The following DGLUCY variants were observed in gnomAD, a reference collection of about 807,000 sequenced individuals.
DGLUCY encodes the protein D-glutamate cyclase, mitochondrial.
Under a neutral mutation model 58.5 loss-of-function variants are expected in DGLUCY, and 58 were observed. That is an observed-to-expected ratio of 0.99 (90% CI 0.80 to 1.23). The LOEUF (loss-of-function observed/expected upper bound fraction) is 1.23. Ranked by LOEUF, DGLUCY falls within the 50% of genes most tolerant of loss-of-function variation. The pLI is 0.00. For missense variants in DGLUCY, 779 were observed against 784.7 expected, an observed-to-expected ratio of 0.99 and a Z score of 0.09; for synonymous variants, 325 against 314.1, an observed-to-expected ratio of 1.03 and a Z score of -0.37.
At chr14:91,217,414 G>A (rs996153754) in intron 13 of DGLUCY, among the ~76,000 whole-genome samples, 3 of 152,028 alleles carry the variant, frequency 2.0e-5, no homozygotes, top group East Asian at 3.9e-4. Flanking sequence ...CAAGTCCCCT[G>A]CCAGTGGGCA....
intron 7 of DGLUCY, among the ~76,000 whole-genome samples, chr14:91,180,388 A>C (rs1187290268): frequency 1.3e-5 from 2 of 151,616 alleles, no homozygotes; most frequent in African/African-American, 4.8e-5. Flanking sequence ...CCTGGATAAC[A>C]TGGTAAAACA....
chr14:91,187,654 C>T (rs1295193837), intron 8 of DGLUCY, among the ~76,000 whole-genome samples: 2 of 152,154 alleles, frequency 1.3e-5, no homozygotes, highest in Non-Finnish European at 2.9e-5. Flanking sequence ...CTGAGGATGC[C>T]CTCTGTCCCT....
chr14:91,134,421 A>G (rs2046207568), intron 1 of DGLUCY, among the ~76,000 whole-genome samples: 1 of 151,692 alleles, frequency 6.6e-6, no homozygotes. Flanking sequence ...TATAGATGGT[A>G]TCATTCAAAA....
At chr14:91,163,995 G>A (rs925499053) in intron 3 of DGLUCY, among the ~76,000 whole-genome samples, 2 of 152,068 alleles carry the variant, frequency 1.3e-5, no homozygotes, top group African/African-American at 4.8e-5. Context: ...TGTCACCCAG[G>A]CTGGAGTGCA....
At chr14:91,060,571 T>C (rs904533546) in exon 1 of DGLUCY, 126 of 1,128,928 alleles carry the variant, frequency 1.1e-4, no homozygotes, top group Non-Finnish European at 1.3e-4. Flanking sequence ...CAAAGACGAG[T>C]CTCTTTCCCG....
intron 9 of DGLUCY, among the ~76,000 whole-genome samples, chr14:91,194,362 G>T (rs1309734949): frequency 1.3e-5 from 2 of 152,202 alleles, no homozygotes; most frequent in Non-Finnish European, 2.9e-5. Flanking sequence ...CACAGCACAG[G>T]GAAGGGCTGG....
intron 1 of DGLUCY, among the ~76,000 whole-genome samples, chr14:91,097,288 T>G (rs1350944298): frequency 6.6e-6 from 1 of 152,006 alleles, no homozygotes; most frequent in African/African-American, 2.4e-5. Context: ...CCCAGCTACT[T>G]GGGAGGCTGA....
At chr14:91,079,314 G>A (rs2140043531) in intron 1 of DGLUCY, among the ~76,000 whole-genome samples, 1 of 151,594 alleles carries the variant, frequency 6.6e-6, no homozygotes, top group African/African-American at 2.4e-5. Flanking sequence ...CCCTACATCA[G>A]TAAAATGTCT....
chr14:91,096,481 G>A (rs1416734635), intron 1 of DGLUCY, among the ~76,000 whole-genome samples: 3 of 152,216 alleles, frequency 2.0e-5, no homozygotes, highest in Non-Finnish European at 4.4e-5. Flanking sequence ...ATTGGGGAGT[G>A]CGACCCTCTC....
intron 6 of DGLUCY, among the ~76,000 whole-genome samples, chr14:91,174,513 C>T (rs1018974252): frequency 6.6e-6 from 1 of 152,060 alleles, no homozygotes; most frequent in Non-Finnish European, 1.5e-5. Flanking sequence ...GCCATGTTGG[C>T]CAGGCTGGTC....
At position 91,085,568 on chromosome 14, in the gene DGLUCY, T is replaced by G. The variant is rs574172618; in HGVS notation, c.-82+24864T>G. Among the ~76,000 whole-genome samples the G allele has an allele frequency of 2.4e-4, 36 of 150,106 alleles. No individual in the cohort carries two copies. The South Asian group carries it at 3.7e-3, about 16-fold the overall frequency. On this transcript the variant is annotated intron_variant, in intron 1 of 4. Coordinates refer to the DGLUCY transcript ENST00000521334. ...AGTTCCTTTGTTTTTTTTTTGTTTT[T>G]TTTTTTTTTTAGTATGTGTGTGACG...
chr14:91,157,119 GTGGATGGATGGATGGATGGATGGA>G, intron 1 of DGLUCY, among the ~76,000 whole-genome samples: 2 of 131,164 alleles, frequency 1.5e-5, no homozygotes, highest in Non-Finnish European at 1.7e-5. Context: ...GGATGGATGG[GTGGATGGATGGATGGATGGATGGA>G]TGGATGGATG....
intron 1 of DGLUCY, among the ~76,000 whole-genome samples, chr14:91,089,653 T>C (rs112039552): frequency 0.16 from 24,427 of 151,796 alleles, 2,505 homozygotes; most frequent in Non-Finnish European, 0.23. Flanking sequence ...AAATCCCATC[T>C]CTACTAAAAA....
intron 9 of DGLUCY, among the ~76,000 whole-genome samples, chr14:91,194,286 G>A (rs2050076685): frequency 6.6e-6 from 1 of 152,126 alleles, no homozygotes; most frequent in Non-Finnish European, 1.5e-5. Context: ...GGAATGATGT[G>A]ACGTTCCCAC....
At chr14:91,108,554 A>AGAGAGAGAGAGAGAGAGG (rs2044639607) in intron 1 of DGLUCY, among the ~76,000 whole-genome samples, 1 of 149,946 alleles carries the variant, frequency 6.7e-6, no homozygotes, top group African/African-American at 2.5e-5. Flanking sequence ...AGAGAGAGAG[A>AGAGAGAGAGAGAGAGAGG]GAGAGACAGA....
intron 11 of DGLUCY, among the ~76,000 whole-genome samples, chr14:91,201,756 T>A (rs574191017): frequency 5.4e-4 from 82 of 152,126 alleles, no homozygotes; most frequent in South Asian, 3.5e-3. Flanking sequence ...CAGTCGTTAA[T>A]AATATAATAA....
intron 13 of DGLUCY, among the ~76,000 whole-genome samples, chr14:91,217,094 A>G (rs747651712): frequency 6.6e-5 from 10 of 152,124 alleles, no homozygotes; most frequent in Non-Finnish European, 1.3e-4. Context: ...CTTGGAGGAG[A>G]AGCTGGTGGA....
At chr14:91,096,186 G>C (rs1329911108) in intron 1 of DGLUCY, among the ~76,000 whole-genome samples, 2 of 152,184 alleles carry the variant, frequency 1.3e-5, no homozygotes, top group East Asian at 3.8e-4. Context: ...GGCTGAGGCA[G>C]GCAGATCACC....
rs1422018511 is a variant in DGLUCY at position 91,204,833 on chromosome 14, C to G, written c.1564+8C>G. On this transcript the variant is annotated splice_region_variant and intron_variant, in intron 12 of 13. Transcript: ENST00000256324. ...ACTTTGCCGTCATTGCTGGTGAGCA[C>G]TCGGATGGCCGCCCAGTCCGGCCGG... is the stretch of plus-strand genomic sequence containing the variant. The G allele has an allele frequency of 1.2e-6, 2 of 1,613,968 alleles. No homozygotes were observed. Among genetic ancestry groups the G allele is most frequent in the South Asian group, 1.1e-5 (1 of 91,070 alleles).
Sources: allele counts gnomAD v4.1 joint callset (sites outside exome capture counted in the v4.1 genomes callset), GRCh38; gene constraint gnomAD v4.1.1; transcripts MANE v1.5; gene names NCBI Gene and HGNC (gene_info 2026-07-23, HGNC 2026-07-21).